The following NRXN1 variants were observed in gnomAD, a reference collection of about 807,000 sequenced individuals.
The protein encoded by NRXN1 is neurexin-1.
In NRXN1, 39 loss-of-function variants were observed where a neutral mutation model predicts 150.9. That is an observed-to-expected ratio of 0.26 (90% CI 0.20 to 0.34). The LOEUF (loss-of-function observed/expected upper bound fraction) is 0.34, where lower values mean the gene tolerates loss of function less well. NRXN1 is among the 10% of genes least tolerant of loss of function. NRXN1 has a pLI of 1.00. For synonymous variants in NRXN1, 924 were observed against 757.0 expected (o/e 1.22, Z -3.62); for missense variants, 1,815 against 1,949.9 (o/e 0.93, Z 1.30).
At chr2:50,691,470 C>T (rs1692061610) in intron 5 of NRXN1, among the ~76,000 whole-genome samples, 1 of 152,058 alleles carries the variant, frequency 6.6e-6, no homozygotes, top group Admixed American at 6.5e-5. Context: ...TTTTAAAACT[C>T]TTCAAATGCT....
intron 21 of NRXN1, among the ~76,000 whole-genome samples, chr2:49,980,362 T>C (rs1280936371): frequency 6.6e-6 from 1 of 152,094 alleles, no homozygotes; most frequent in Non-Finnish European, 1.5e-5. Context: ...GGGACCATAT[T>C]GGAGTTTCAG....
intron 21 of NRXN1, among the ~76,000 whole-genome samples, chr2:50,036,009 T>G (rs1689973284): frequency 6.6e-6 from 1 of 152,074 alleles, no homozygotes; most frequent in Non-Finnish European, 1.5e-5. Flanking sequence ...AAGGAATGAA[T>G]AGCACAACCT....
intron 17 of NRXN1, among the ~76,000 whole-genome samples, chr2:50,376,171 A>G (rs1292168919): frequency 1.3e-5 from 2 of 151,988 alleles, no homozygotes; most frequent in African/African-American, 2.4e-5. Flanking sequence ...ACAAATTGCA[A>G]TTGAAGCTTC....
At chr2:50,180,290 T>G (rs533334782) in intron 18 of NRXN1, among the ~76,000 whole-genome samples, 2 of 152,094 alleles carry the variant, frequency 1.3e-5, no homozygotes, top group Non-Finnish European at 2.9e-5. Context: ...CTCCCAAAGT[T>G]CTGGGATTAC....
chr2:50,411,549 C>G (rs1378494200), intron 17 of NRXN1, among the ~76,000 whole-genome samples: 2 of 151,894 alleles, frequency 1.3e-5, no homozygotes, highest in African/African-American at 4.8e-5. Flanking sequence ...AAGAGCGCCT[C>G]TGCCCGGCTG....
chr2:50,002,138 C>T (rs1012132425), intron 21 of NRXN1, among the ~76,000 whole-genome samples: 7 of 152,008 alleles, frequency 4.6e-5, no homozygotes, highest in African/African-American at 1.7e-4. Context: ...GAGAGCCAAG[C>T]AGAGGACTTA....
At chr2:50,761,438 C>T (rs560237637) in intron 5 of NRXN1, among the ~76,000 whole-genome samples, 2 of 152,038 alleles carry the variant, frequency 1.3e-5, no homozygotes, top group Admixed American at 6.6e-5. Flanking sequence ...CACACACTCT[C>T]TTGCCTGCTG....
intron 5 of NRXN1, among the ~76,000 whole-genome samples, chr2:50,652,447 T>C (rs925488759): frequency 6.6e-6 from 1 of 152,036 alleles, no homozygotes; most frequent in African/African-American, 2.4e-5. Context: ...CTGTATAGGT[T>C]TGCCTTTTTT....
At chr2:50,100,565 A>C (rs893886942) in intron 18 of NRXN1, among the ~76,000 whole-genome samples, 1 of 152,118 alleles carries the variant, frequency 6.6e-6, no homozygotes, top group Non-Finnish European at 1.5e-5. Flanking sequence ...TTCTTTACAC[A>C]GTATTTGAGA....
intron 5 of NRXN1, among the ~76,000 whole-genome samples, chr2:50,749,570 C>A (rs1700364101): frequency 6.6e-6 from 1 of 151,926 alleles, no homozygotes; most frequent in Admixed American, 6.6e-5. Context: ...AGCATTATTG[C>A]ATCAAATATA....
At chr2:50,850,079 A>G (rs1443032016) in intron 5 of NRXN1, among the ~76,000 whole-genome samples, 1 of 151,910 alleles carries the variant, frequency 6.6e-6, no homozygotes, top group Non-Finnish European at 1.5e-5. Flanking sequence ...AAAAATAGCC[A>G]GGCATGATGG....
At chr2:50,845,249 G>A (rs1170487976) in intron 5 of NRXN1, among the ~76,000 whole-genome samples, 1 of 152,118 alleles carries the variant, frequency 6.6e-6, no homozygotes, top group African/African-American at 2.4e-5. Context: ...ATAATACCAA[G>A]AAGAACCAAG....
intron 8 of NRXN1, among the ~76,000 whole-genome samples, chr2:50,559,433 G>A (rs1016653276): frequency 2.0e-5 from 3 of 152,052 alleles, no homozygotes; most frequent in Admixed American, 1.3e-4. Flanking sequence ...TTTTAGACAC[G>A]TGCTATGGTA....
intron 18 of NRXN1, among the ~76,000 whole-genome samples, chr2:50,143,733 C>T (rs1430437783): frequency 2.6e-5 from 4 of 151,112 alleles, no homozygotes; most frequent in African/African-American, 9.7e-5. Flanking sequence ...TCAATCATGC[C>T]TCCCACTTCT....
chr2:50,545,783 C>T (rs1300849245), intron 9 of NRXN1, among the ~76,000 whole-genome samples: 1 of 152,058 alleles, frequency 6.6e-6, no homozygotes, highest in African/African-American at 2.4e-5. Flanking sequence ...GAAATTGGTT[C>T]CAGGATCTCC....
intron 13 of NRXN1, among the ~76,000 whole-genome samples, chr2:50,505,542 A>C (rs1286684931): frequency 6.6e-6 from 1 of 152,206 alleles, no homozygotes; most frequent in East Asian, 1.9e-4. Context: ...TGCTGATCTA[A>C]GAAACAATTC....
chr2:50,568,187 T>G (rs548954939), intron 8 of NRXN1, among the ~76,000 whole-genome samples: 1 of 152,180 alleles, frequency 6.6e-6, no homozygotes, highest in African/African-American at 2.4e-5. Context: ...TGCAATTAAC[T>G]TTTAATAATA....
chr2:50,404,139 G>C (rs903726593), intron 17 of NRXN1, among the ~76,000 whole-genome samples: 66 of 145,440 alleles, frequency 4.5e-4, no homozygotes, highest in African/African-American at 1.6e-3. Flanking sequence ...TCTTCCTTTA[G>C]GAATATTTTG....
At chr2:50,712,321 G>T (rs1695274265) in intron 5 of NRXN1, among the ~76,000 whole-genome samples, 1 of 151,860 alleles carries the variant, frequency 6.6e-6, no homozygotes, top group South Asian at 2.1e-4. Flanking sequence ...ATAATTAATT[G>T]CTATTTTTTA....
Sources: gnomAD v4.1 joint callset for allele counts (sites outside exome capture counted in the v4.1 genomes callset) on GRCh38, gnomAD v4.1.1 for gene constraint, MANE v1.5 for transcripts, NCBI Gene and HGNC (gene_info 2026-07-23, HGNC 2026-07-21) for gene names.